The following TMEM178B variants were observed in gnomAD, a reference collection of about 807,000 sequenced individuals.
The protein encoded by TMEM178B is transmembrane protein 178B.
Under a neutral mutation model 31.0 loss-of-function variants are expected in TMEM178B, and 5 were observed. The ratio of observed to expected loss-of-function variants is 0.16; its 90% CI spans 0.08 to 0.34. TMEM178B has a LOEUF of 0.34. Among genes scored for constraint, TMEM178B ranks in the 10% least tolerant of loss-of-function variants. TMEM178B has a pLI of 1.00. For missense variants in TMEM178B, 275 were observed against 400.3 expected (o/e 0.69, Z 2.67); for synonymous variants, 164 against 164.0 (o/e 1.00, Z 0.00).
intron 2 of TMEM178B, among the ~76,000 whole-genome samples, chr7:141,234,163 A>T (rs1797491216): frequency 6.6e-6 from 1 of 152,230 alleles, no homozygotes; most frequent in South Asian, 2.1e-4. Context: ...GGGATAAAAT[A>T]TCAAGATACT....
intron 2 of TMEM178B, among the ~76,000 whole-genome samples, chr7:141,213,050 T>G (rs1374783073): frequency 6.6e-6 from 1 of 152,246 alleles, no homozygotes; most frequent in Non-Finnish European, 1.5e-5. Context: ...CCAGCCTGTC[T>G]TCAAGTTGCT....
At chr7:141,405,516 G>A (rs1024196404) in intron 2 of TMEM178B, among the ~76,000 whole-genome samples, 2 of 152,274 alleles carry the variant, frequency 1.3e-5, no homozygotes, top group African/African-American at 4.8e-5. Flanking sequence ...CTCCCAGGCT[G>A]TGAGGATCAC....
Position 141,402,207 on chromosome 7 carries a change from T to A in TMEM178B, c.497-35401T>A, listed in dbSNP as rs112125296. Among the ~76,000 whole-genome samples, 554 of 152,236 alleles carry A rather than the reference T, an allele frequency of 3.6e-3. 4 individuals carry two copies. Among genetic ancestry groups the A allele is most frequent in the South Asian group, 0.032 (155 of 4,814 alleles). ...GGAGCCGCACAGGCAATGGACACTATTCTAGTTCTGGAGAGAGAAAAATCC... is the reference window on the plus strand; with the variant it reads ...GGAGCCGCACAGGCAATGGACACTAATCTAGTTCTGGAGAGAGAAAAATCC... On this transcript the variant is annotated intron_variant, in intron 2 of 3. Coordinates refer to ENST00000565468, the MANE Select transcript of TMEM178B (RefSeq NM_001195278.2).
intron 2 of TMEM178B, among the ~76,000 whole-genome samples, chr7:141,358,302 C>T (rs76292019): frequency 0.017 from 2,541 of 152,220 alleles, 36 homozygotes; most frequent in Non-Finnish European, 0.023. Flanking sequence ...GCATGCTCCC[C>T]GCTTCTTTAT....
At chr7:141,441,618 G>A (rs528888292) in intron 3 of TMEM178B, among the ~76,000 whole-genome samples, 2 of 152,308 alleles carry the variant, frequency 1.3e-5, no homozygotes, top group Admixed American at 6.5e-5. Flanking sequence ...TGGATGTGGA[G>A]CAGGTACAGC....
At chr7:141,080,013 A>C (rs1794657202) in intron 1 of TMEM178B, among the ~76,000 whole-genome samples, 1 of 152,184 alleles carries the variant, frequency 6.6e-6, no homozygotes, top group Admixed American at 6.5e-5. Flanking sequence ...GGTGGAGAAG[A>C]AACTGGGATA....
chr7:141,399,755 C>T (rs1800726854), intron 2 of TMEM178B, among the ~76,000 whole-genome samples: 1 of 152,212 alleles, frequency 6.6e-6, no homozygotes, highest in African/African-American at 2.4e-5. Flanking sequence ...GGCTTCCAGA[C>T]TGCTAAGTCA....
chr7:141,329,939 A>G (rs1799266855), intron 2 of TMEM178B, among the ~76,000 whole-genome samples: 3 of 152,342 alleles, frequency 2.0e-5, no homozygotes, highest in South Asian at 4.1e-4. Flanking sequence ...AACGTGGTGG[A>G]CACAGAATCA....
chr7:141,440,776 C>T (rs1206407641), intron 3 of TMEM178B, among the ~76,000 whole-genome samples: 1 of 152,216 alleles, frequency 6.6e-6, no homozygotes, highest in East Asian at 1.9e-4. Context: ...CTCTTGCTGA[C>T]TGCGGCACCT....
chr7:141,239,466 T>C (rs1586843584), intron 2 of TMEM178B, among the ~76,000 whole-genome samples: 1 of 152,256 alleles, frequency 6.6e-6, no homozygotes, highest in Middle Eastern at 3.4e-3. Flanking sequence ...ACTGACCCAA[T>C]TGACCTGTCA....
chr7:141,258,920 C>G (rs1797971769), intron 2 of TMEM178B, among the ~76,000 whole-genome samples: 1 of 152,140 alleles, frequency 6.6e-6, no homozygotes, highest in South Asian at 2.1e-4. Context: ...AACACTTTGA[C>G]TATAATGAGC....
At chr7:141,221,603 T>G (rs12703373) in intron 2 of TMEM178B, among the ~76,000 whole-genome samples, 80,828 of 152,064 alleles carry the variant, frequency 0.53, 23,908 homozygotes, top group African/African-American at 0.8. Context: ...GCTGAGAGAG[T>G]AGCCCACTTA....
Position 141,410,422 on chromosome 7 carries a change from G to GTT in TMEM178B, c.497-27179_497-27178dup, listed in dbSNP as rs5888003. 5.8e-3 allele frequency among the ~76,000 whole-genome samples: 863 copies of GTT among 147,798 alleles called. 5 individuals are homozygous for GTT. Among genetic ancestry groups the GTT allele is most frequent in the South Asian group, 0.018 (85 of 4,630 alleles). ...TGGTCCTTTTCTTTTCTTTTCTTCT[G>GTT]TTTTTTTTCTTTTCTTTTATTTTCC... On this transcript the variant is annotated intron_variant, in intron 2 of 3. Transcript: ENST00000565468.
chr7:141,401,646 T>G (rs879934807), intron 2 of TMEM178B, among the ~76,000 whole-genome samples: 42 of 152,230 alleles, frequency 2.8e-4, no homozygotes, highest in Middle Eastern at 3.4e-3. Context: ...GGTCAAGAGA[T>G]TCTCCCAACT....
intron 2 of TMEM178B, among the ~76,000 whole-genome samples, chr7:141,224,137 T>C (rs1276527651): frequency 6.6e-6 from 1 of 152,208 alleles, no homozygotes; most frequent in Admixed American, 6.5e-5. Context: ...TGTGCTGCCA[T>C]GTTAAGACGT....
intron 1 of TMEM178B, among the ~76,000 whole-genome samples, chr7:141,103,176 A>G (rs1221619229): frequency 6.6e-6 from 1 of 152,218 alleles, no homozygotes; most frequent in Non-Finnish European, 1.5e-5. Flanking sequence ...ATTGCTCCCC[A>G]GGTGGGGTCA....
At chr7:141,491,850 C>T in the TMEM178B span, among the ~76,000 whole-genome samples, 2 of 152,160 alleles carry the variant, frequency 1.3e-5, no homozygotes, top group Non-Finnish European at 2.9e-5. Context: ...AATGCCATCG[C>T]GTGCCCTTTC....
intron 2 of TMEM178B, among the ~76,000 whole-genome samples, chr7:141,321,179 G>C (rs368358959): frequency 5.6e-4 from 85 of 152,300 alleles, no homozygotes; most frequent in African/African-American, 1.9e-3. Flanking sequence ...CCAACACCAA[G>C]CACACATCCC....
intron 2 of TMEM178B, among the ~76,000 whole-genome samples, chr7:141,296,460 G>A (rs1260674136): frequency 2.6e-5 from 4 of 152,098 alleles, no homozygotes. Flanking sequence ...TCTATGGCAG[G>A]CTAGGCACCA....
Sources: gnomAD v4.1 joint callset for allele counts (sites outside exome capture counted in the v4.1 genomes callset) on GRCh38, gnomAD v4.1.1 for gene constraint, MANE v1.5 for transcripts, NCBI Gene and HGNC (gene_info 2026-07-23, HGNC 2026-07-21) for gene names.